SNX29: variants seen among roughly 807,000 people sequenced by gnomAD.
SNX29 encodes sorting nexin 29.
A neutral mutation model predicts 102.1 loss-of-function variants in SNX29; 78 were observed. That is an observed-to-expected ratio of 0.76 (90% CI 0.64 to 0.92). SNX29 has a LOEUF of 0.92. Ranked by LOEUF, SNX29 falls within the 40% of genes least tolerant of loss-of-function variation. The pLI, the probability that SNX29 is intolerant of heterozygous loss-of-function variation, is 0.00. For synonymous variants in SNX29, 580 were observed against 414.5 expected (o/e 1.40, Z -4.85); for missense variants, 1,280 against 1,061.7 (o/e 1.21, Z -2.86).
chr16:12,113,430 C>G (rs928004150), intron 11 of SNX29, among the ~76,000 whole-genome samples: 1 of 152,104 alleles, frequency 6.6e-6, no homozygotes, highest in Non-Finnish European at 1.5e-5. Flanking sequence ...CTCAAAGTGT[C>G]AGGTGCAGAG....
intron 16 of SNX29, among the ~76,000 whole-genome samples, chr16:12,395,689 T>A (rs1416480767): frequency 6.6e-6 from 1 of 152,178 alleles, no homozygotes; most frequent in East Asian, 1.9e-4. Context: ...AGGGATGTGT[T>A]CTCCAAGATT....
intron 11 of SNX29, among the ~76,000 whole-genome samples, chr16:12,092,426 T>C (rs1596854509): frequency 6.6e-6 from 1 of 152,218 alleles, no homozygotes; most frequent in South Asian, 2.1e-4. Context: ...ATAATCACCA[T>C]TGTGTCTCTA....
chr16:12,515,627 C>G (rs746898321), intron 19 of SNX29: 1 of 486,096 alleles, frequency 2.1e-6, no homozygotes, highest in Non-Finnish European at 4.1e-6. Flanking sequence ...CAGGTGCCTT[C>G]CTGTCCTAGC....
At chr16:12,476,383 AATATATAT>A (rs1567603099) in intron 18 of SNX29, among the ~76,000 whole-genome samples, 210 of 9,476 alleles carry the variant, frequency 0.022, 5 homozygotes, top group East Asian at 0.087. Context: ...AAAAAAAAAA[AATATATAT>A]ATATATATAT....
chr16:12,143,514 G>T (rs1185459463), intron 13 of SNX29, among the ~76,000 whole-genome samples: 1 of 152,182 alleles, frequency 6.6e-6, no homozygotes, highest in African/African-American at 2.4e-5. Flanking sequence ...GCTCCTAGAT[G>T]TGGGATCTGA....
At chr16:12,562,406 T>C (rs1177576295) in intron 20 of SNX29, among the ~76,000 whole-genome samples, 2 of 152,138 alleles carry the variant, frequency 1.3e-5, no homozygotes, top group Non-Finnish European at 2.9e-5. Flanking sequence ...TCACATACCA[T>C]ACAATTTACC....
intron 18 of SNX29, among the ~76,000 whole-genome samples, chr16:12,449,988 C>T (rs1026914862): frequency 5.9e-5 from 9 of 152,046 alleles, no homozygotes; most frequent in Admixed American, 2.0e-4. Flanking sequence ...TCATGGGGGG[C>T]GGTTCCCCCA....
chr16:12,162,533 C>A (rs1244454593), intron 13 of SNX29, among the ~76,000 whole-genome samples: 1 of 152,212 alleles, frequency 6.6e-6, no homozygotes, highest in Non-Finnish European at 1.5e-5. Flanking sequence ...AGTGGACATG[C>A]CTGTGTTCCA....
At chr16:12,565,613 C>T (rs948158484) in intron 20 of SNX29, among the ~76,000 whole-genome samples, 3 of 152,188 alleles carry the variant, frequency 2.0e-5, no homozygotes, top group Admixed American at 6.5e-5. Flanking sequence ...TGGGACTTCC[C>T]AGGTGCCAGG....
chr16:12,463,236 G>A (rs1425736032), intron 18 of SNX29, among the ~76,000 whole-genome samples: 1 of 152,220 alleles, frequency 6.6e-6, no homozygotes, highest in African/African-American at 2.4e-5. Context: ...GGCCTGTGCC[G>A]TATATCCACA....
At chr16:12,016,667 CT>C (rs1200573679) in intron 3 of SNX29, among the ~76,000 whole-genome samples, 1 of 152,180 alleles carries the variant, frequency 6.6e-6, no homozygotes, top group Non-Finnish European at 1.5e-5. Flanking sequence ...TCCCTAATGA[CT>C]AATGATGTTG....
At chr16:12,015,779 C>T (rs993234535) in intron 3 of SNX29, among the ~76,000 whole-genome samples, 1 of 151,766 alleles carries the variant, frequency 6.6e-6, no homozygotes, top group Non-Finnish European at 1.5e-5. Context: ...TCGTGATCTG[C>T]CCACCTTGGC....
At chr16:12,024,079 C>G (rs559006103) in intron 3 of SNX29, among the ~76,000 whole-genome samples, 7 of 151,726 alleles carry the variant, frequency 4.6e-5, no homozygotes, top group African/African-American at 1.5e-4. Flanking sequence ...CAAAGAAGCT[C>G]AGAATGAGGA....
At chr16:12,004,748 A>G (rs750831658) in intron 3 of SNX29, among the ~76,000 whole-genome samples, 3 of 152,230 alleles carry the variant, frequency 2.0e-5, no homozygotes, top group Non-Finnish European at 4.4e-5. Flanking sequence ...CCTTCCTGGA[A>G]TAGAGCCACG....
chr16:12,274,596 A>G (rs760512251), intron 14 of SNX29, among the ~76,000 whole-genome samples: 84 of 147,702 alleles, frequency 5.7e-4, no homozygotes, highest in Non-Finnish European at 9.6e-4. Flanking sequence ...GAGTGCAGCT[A>G]TGCCATCTCA....
chr16:12,201,346 A>G (rs1478457955), intron 14 of SNX29, among the ~76,000 whole-genome samples: 1 of 152,174 alleles, frequency 6.6e-6, no homozygotes, highest in Non-Finnish European at 1.5e-5. Flanking sequence ...CACTACATTC[A>G]TTACATACTT....
At chr16:12,194,570 T>G (rs552209890) in intron 13 of SNX29, among the ~76,000 whole-genome samples, 4 of 151,820 alleles carry the variant, frequency 2.6e-5, no homozygotes, top group Non-Finnish European at 4.4e-5. Context: ...GAGGAAAATA[T>G]TCAGCCTTTA....
chr16:12,464,085 C>G (rs1230874708), intron 18 of SNX29, among the ~76,000 whole-genome samples: 2 of 151,990 alleles, frequency 1.3e-5, no homozygotes, highest in East Asian at 1.9e-4. Flanking sequence ...GAACTTCACT[C>G]ACGTCCGCCT....
At chr16:12,254,214 C>T (rs1305889296) in intron 14 of SNX29, among the ~76,000 whole-genome samples, 1 of 152,102 alleles carries the variant, frequency 6.6e-6, no homozygotes, top group East Asian at 1.9e-4. Context: ...CCGGGGCCCA[C>T]AATACCGAAT....
Sources: allele counts gnomAD v4.1 joint callset (sites outside exome capture counted in the v4.1 genomes callset), GRCh38; gene constraint gnomAD v4.1.1; transcripts MANE v1.5; gene names NCBI Gene and HGNC (gene_info 2026-07-23, HGNC 2026-07-21).